The following PHC2 variants were observed in gnomAD, a reference collection of about 807,000 sequenced individuals.
PHC2 encodes the protein polyhomeotic homolog 2.
PHC2 carries 29 observed loss-of-function variants against 87.4 expected under a neutral mutation model. The observed-to-expected ratio is 0.33, with a 90% confidence interval of 0.25 to 0.45. The LOEUF (loss-of-function observed/expected upper bound fraction) is 0.45, where lower values mean the gene tolerates loss of function less well. Among genes scored for constraint, PHC2 ranks in the 20% least tolerant of loss-of-function variants. The pLI, the probability that PHC2 is intolerant of heterozygous loss-of-function variation, is 1.00. For synonymous variants in PHC2, 438 were observed against 461.7 expected (o/e 0.95, Z 0.66); for missense variants, 857 against 1,136.7 (o/e 0.75, Z 3.54).
At chr1:33,393,383 T>G (rs1170403300) in intron 1 of PHC2, among the ~76,000 whole-genome samples, 1 of 151,846 alleles carries the variant, frequency 6.6e-6, no homozygotes, top group Non-Finnish European at 1.5e-5. Flanking sequence ...TTCTTCCTGG[T>G]GCTGACTGGA....
chr1:33,429,629 T>C (rs1650818065), intron 1 of PHC2, among the ~76,000 whole-genome samples: 1 of 152,268 alleles, frequency 6.6e-6, no homozygotes, highest in Admixed American at 6.5e-5. Flanking sequence ...TCACTTTTAC[T>C]AGCAATTTCA....
rs553626618 is a variant in PHC2 at position 33,427,585 on chromosome 1, C to A, written c.-55+3391G>T. Among the ~76,000 whole-genome samples, 14 of 152,290 alleles carry A rather than the reference C, an allele frequency of 9.2e-5. No individual in the cohort carries two copies. The South Asian group carries it at 2.9e-3, about 32-fold the overall frequency. The stretch of plus-strand genomic sequence containing the variant: ...TTTCATATCCCCATGGCCACCCCCG[C>A]CACTCTACTGAAGCTATCATTTTCA... On this transcript the variant is annotated intron_variant, in intron 1 of 14. Coordinates refer to ENST00000683057, the MANE Select transcript of PHC2 (RefSeq NM_001385109.1).
At chr1:33,427,852 C>A (rs972218679) in intron 1 of PHC2, among the ~76,000 whole-genome samples, 2 of 152,188 alleles carry the variant, frequency 1.3e-5, no homozygotes, top group African/African-American at 4.8e-5. Context: ...TCTCTTGCTT[C>A]TTTTCTTATT....
intron 7 of PHC2, among the ~76,000 whole-genome samples, chr1:33,358,408 A>G (rs1281526968): frequency 6.6e-6 from 1 of 152,240 alleles, no homozygotes; most frequent in Non-Finnish European, 1.5e-5. Context: ...ATCAATTTAT[A>G]GATCAGAGAC....
chr1:33,346,121 A>T (rs1192949749), intron 9 of PHC2: 1 of 985,282 alleles, frequency 1.0e-6, no homozygotes, highest in African/African-American at 1.7e-5. Context: ...CAAGGTGTTA[A>T]GTCCCCAAAG....
intron 1 of PHC2, among the ~76,000 whole-genome samples, chr1:33,405,513 A>C (rs1649723703): frequency 6.6e-6 from 1 of 152,128 alleles, no homozygotes; most frequent in South Asian, 2.1e-4. Flanking sequence ...GTCTTTAAAA[A>C]GAATCACCTT....
At chr1:33,365,544 C>T (rs1371544843) in intron 7 of PHC2, among the ~76,000 whole-genome samples, 2 of 152,168 alleles carry the variant, frequency 1.3e-5, no homozygotes, top group Non-Finnish European at 2.9e-5. Context: ...CAGCTGTAGT[C>T]CAAGCTGCTT....
At chr1:33,407,946 C>T (rs1487977431) in intron 1 of PHC2, among the ~76,000 whole-genome samples, 1 of 152,060 alleles carries the variant, frequency 6.6e-6, no homozygotes, top group Non-Finnish European at 1.5e-5. Flanking sequence ...CTGGCCTGTC[C>T]CTGATCATGT....
intron 1 of PHC2, among the ~76,000 whole-genome samples, chr1:33,414,989 A>G (rs1295628276): frequency 6.6e-6 from 1 of 152,238 alleles, no homozygotes; most frequent in South Asian, 2.1e-4. Flanking sequence ...GTTTTCATAC[A>G]TTGGCTGACA....
intron 9 of PHC2, among the ~76,000 whole-genome samples, chr1:33,335,865 C>G (rs926102397): frequency 2.6e-5 from 4 of 151,742 alleles, no homozygotes; most frequent in Admixed American, 2.0e-4. Context: ...TCGCCACCCC[C>G]CTCCAGCCTG....
At chr1:33,389,450 T>C (rs1648939501) in intron 1 of PHC2, among the ~76,000 whole-genome samples, 1 of 152,206 alleles carries the variant, frequency 6.6e-6, no homozygotes. Flanking sequence ...CCATCTTCTT[T>C]GGGACCGTTC....
chr1:33,385,585 T>C (rs1269813060), intron 1 of PHC2, among the ~76,000 whole-genome samples: 1 of 152,082 alleles, frequency 6.6e-6, no homozygotes, highest in Non-Finnish European at 1.5e-5. Context: ...ACAAAGAGAG[T>C]ACATTAAGGT....
chr1:33,402,064 C>T lies in PHC2; in HGVS notation c.-54-26471G>A, dbSNP rs117866047. The stretch of plus-strand genomic sequence containing the variant: ...GAAAAAATATTTCTATCACACATAA[C>T]AAAAAGAGAATTTGCATCAAAAATA... On this transcript the variant is annotated intron_variant, in intron 1 of 14. Coordinates refer to ENST00000683057, the MANE Select transcript of PHC2 (RefSeq NM_001385109.1). 1.5e-3 allele frequency among the ~76,000 whole-genome samples: 223 copies of T among 152,000 alleles called. 2 individuals carry two copies. In the East Asian group the frequency reaches 0.027, roughly 18 times the overall value.
chr1:33,386,231 C>T (rs1000775470), intron 1 of PHC2, among the ~76,000 whole-genome samples: 1 of 151,856 alleles, frequency 6.6e-6, no homozygotes, highest in Non-Finnish European at 1.5e-5. Flanking sequence ...AAAAAAAAGA[C>T]CCCTGGCTGA....
In PHC2 at chr1:33,348,472, G is replaced by C. The variant is rs529941492; in HGVS notation, c.1558+5929C>G. On this transcript the variant is annotated intron_variant, in intron 9 of 14. Transcript: ENST00000683057. Reference sequence around the variant, plus strand: ...GTTATGCTCCAGAGCCAAATGGCTGGAAAAGGCCAGGTCAGTAGGCTGTGG... The same window carrying C: ...GTTATGCTCCAGAGCCAAATGGCTGCAAAAGGCCAGGTCAGTAGGCTGTGG... 4.6e-5 allele frequency among the ~76,000 whole-genome samples: 7 copies of C among 152,330 alleles called. No homozygotes were observed. In the South Asian group the frequency reaches 6.2e-4, roughly 14 times the overall value.
intron 1 of PHC2, chr1:33,392,797 G>A (rs1345005597): frequency 6.6e-6 from 1 of 151,520 alleles, no homozygotes; most frequent in Non-Finnish European, 1.5e-5. Context: ...CACATACTCC[G>A]TGTTGGGAAA....
intron 7 of PHC2, among the ~76,000 whole-genome samples, chr1:33,356,293 ATTTATTTATT>A (rs1647083933): frequency 7.1e-6 from 1 of 140,434 alleles, no homozygotes; most frequent in Admixed American, 7.1e-5. Context: ...ATATATATAT[ATTTATTTATT>A]TAGTATTTAT....
At chr1:33,346,537 A>C in intron 9 of PHC2, 1 of 985,266 alleles carries the variant, frequency 1.0e-6, no homozygotes, top group Non-Finnish European at 1.2e-6. Context: ...AACAGCTGGG[A>C]GAAGTTTAAT....
intron 9 of PHC2, among the ~76,000 whole-genome samples, chr1:33,350,731 C>T (rs535406593): frequency 6.6e-6 from 1 of 152,210 alleles, no homozygotes; most frequent in East Asian, 1.9e-4. Flanking sequence ...CCTTTCCACT[C>T]TCAGGCCTCA....
Sources: allele counts gnomAD v4.1 joint callset (sites outside exome capture counted in the v4.1 genomes callset), GRCh38; gene constraint gnomAD v4.1.1; transcripts MANE v1.5; gene names NCBI Gene and HGNC (gene_info 2026-07-23, HGNC 2026-07-21).